EPHA4: variants seen among roughly 807,000 people sequenced by gnomAD.
EPHA4 encodes ephrin type-A receptor 4.
A neutral mutation model predicts 108.3 loss-of-function variants in EPHA4; 19 were observed. The ratio of observed to expected loss-of-function variants is 0.18; its 90% CI spans 0.12 to 0.26. The LOEUF is 0.26. Among genes scored for constraint, EPHA4 ranks in the 10% least tolerant of loss-of-function variants. The probability of loss-of-function intolerance (pLI) is 1.00; values close to 1 mark genes in which losing one functional copy is unlikely to be tolerated. For missense variants in EPHA4, 917 were observed against 1,254.0 expected (o/e 0.73, Z 4.06); for synonymous variants, 449 against 455.5 (o/e 0.99, Z 0.18).
chr2:221,540,470 C>T (rs533064391), intron 3 of EPHA4, among the ~76,000 whole-genome samples: 13 of 152,312 alleles, frequency 8.5e-5, no homozygotes, highest in African/African-American at 3.1e-4. Context: ...TTGATCAACT[C>T]ATTTTTTCCC....
At chr2:221,466,021 G>C (rs1691301276) in intron 5 of EPHA4, among the ~76,000 whole-genome samples, 1 of 152,160 alleles carries the variant, frequency 6.6e-6, no homozygotes, top group African/African-American at 2.4e-5. Flanking sequence ...GGTCATGCAC[G>C]ATGAGCAGAT....
At chr2:221,457,399 C>T (rs1327304040) in intron 6 of EPHA4, among the ~76,000 whole-genome samples, 1 of 152,090 alleles carries the variant, frequency 6.6e-6, no homozygotes, top group Non-Finnish European at 1.5e-5. Flanking sequence ...TATTAAAAGT[C>T]ATCAAAACCC....
rs1694529508 is a variant in EPHA4, at chr2:221,563,547, T to TTC, written c.823+183_823+184insGA. 3.3e-5 allele frequency among the ~76,000 whole-genome samples: 5 copies of TTC among 152,340 alleles called. No individual in the cohort carries two copies. The South Asian group carries it at 6.2e-4, about 19-fold the overall frequency. On this transcript the variant is annotated intron_variant, in intron 3 of 17. Coordinates refer to ENST00000281821, the MANE Select transcript of EPHA4 (RefSeq NM_004438.5). The stretch of plus-strand genomic sequence containing the variant: ...GCTGATTACAGCAGCATCATTTATT[T>TTC]TGTCAGTATTAGAAACGTCTTAGCT...
chr2:221,438,405 C>T (rs72957057), intron 11 of EPHA4, among the ~76,000 whole-genome samples: 35,739 of 151,126 alleles, frequency 0.24, 4,274 homozygotes, highest in African/African-American at 0.26. Context: ...TTTTTTTTTG[C>T]TTTGTTTTGT....
At chr2:221,454,862 T>C (rs944255500) in intron 8 of EPHA4, among the ~76,000 whole-genome samples, 1 of 152,316 alleles carries the variant, frequency 6.6e-6, no homozygotes, top group Non-Finnish European at 1.5e-5. Flanking sequence ...AGGGCTCAGA[T>C]GTTTCAGGTT....
chr2:221,555,083 C>T (rs1270753633), intron 3 of EPHA4, among the ~76,000 whole-genome samples: 1 of 152,046 alleles, frequency 6.6e-6, no homozygotes, highest in Non-Finnish European at 1.5e-5. Flanking sequence ...GTTCCTTTTC[C>T]AAAGGTCAAA....
In EPHA4 at chr2:221,430,115, G is replaced by C. The variant is rs752075336; in HGVS notation, c.2533C>G (p.Pro845Ala). 11 of 1,611,270 alleles carry C rather than the reference G, an allele frequency of 6.8e-6. No homozygotes were observed. Among genetic ancestry groups the C allele is most frequent in the South Asian group, 2.2e-5 (2 of 90,470 alleles). ...AGCGCAATGGGGCAGTCCATTGGAG[G>C]GGGTAACCGATAGCCTTCCTCAATG... ...KAIEEGYRLP[P>A]PMDCPIALHQ... is the part of the protein sequence containing the mutation. Residue 845 changes from proline (P) to alanine (A), a missense_variant, in exon 15 of 18, where the codon CCT becomes GCT. Physicochemically the swap from Pro to Ala is conservative, Grantham distance 27 (BLOSUM62 -1). Coordinates refer to ENST00000281821, the MANE Select transcript of EPHA4 (RefSeq NM_004438.5).
intron 17 of EPHA4, among the ~76,000 whole-genome samples, chr2:221,421,634 A>G (rs1453369516): frequency 6.6e-6 from 1 of 152,182 alleles, no homozygotes; most frequent in Non-Finnish European, 1.5e-5. Context: ...TTGTCCATAT[A>G]TTTGTCACAT....
At chr2:221,543,008 C>A (rs1279306949) in intron 3 of EPHA4, among the ~76,000 whole-genome samples, 1 of 152,098 alleles carries the variant, frequency 6.6e-6, no homozygotes, top group Non-Finnish European at 1.5e-5. Context: ...ATATAATGAT[C>A]CTATATGTAT....
intron 4 of EPHA4, among the ~76,000 whole-genome samples, chr2:221,491,957 G>C (rs2106149758): frequency 6.6e-6 from 1 of 152,128 alleles, no homozygotes; most frequent in Middle Eastern, 3.4e-3. Flanking sequence ...GGAAGTTGCA[G>C]TGAGCTGAGA....
At chr2:221,516,122 C>T (rs941383353) in intron 3 of EPHA4, among the ~76,000 whole-genome samples, 4 of 152,076 alleles carry the variant, frequency 2.6e-5, no homozygotes, top group African/African-American at 7.2e-5. Context: ...ACCAGGAATC[C>T]GTTCCCTGCT....
intron 3 of EPHA4, among the ~76,000 whole-genome samples, chr2:221,516,781 C>T (rs1693002026): frequency 6.6e-6 from 1 of 151,676 alleles, no homozygotes; most frequent in Admixed American, 6.6e-5. Flanking sequence ...GGTGCAGACT[C>T]ATTTATGGAG....
chr2:221,548,354 G>A (rs1476781184), intron 3 of EPHA4, among the ~76,000 whole-genome samples: 1 of 150,890 alleles, frequency 6.6e-6, no homozygotes, highest in African/African-American at 2.4e-5. Context: ...CAGAGCGAGA[G>A]TCCGTCTCAA....
chr2:221,445,058 AAT>A (rs1690551218), intron 9 of EPHA4, among the ~76,000 whole-genome samples: 1 of 152,058 alleles, frequency 6.6e-6, no homozygotes, highest in African/African-American at 2.4e-5. Context: ...GTGCCCGGCC[AAT>A]CTTTCTTCTA....
chr2:221,461,889 G>A (rs917769501), intron 5 of EPHA4, among the ~76,000 whole-genome samples: 1 of 151,940 alleles, frequency 6.6e-6, no homozygotes, highest in African/African-American at 2.4e-5. Flanking sequence ...GTAAGTAGAG[G>A]GCACTTTCTC....
chr2:221,525,461 C>T (rs192784877), intron 3 of EPHA4, among the ~76,000 whole-genome samples: 47 of 152,196 alleles, frequency 3.1e-4, no homozygotes, highest in Admixed American at 2.6e-3. Context: ...CCATTAGTTC[C>T]GGCAGTGAGG....
At chr2:221,460,453 T>C (rs1691102363) in intron 5 of EPHA4, among the ~76,000 whole-genome samples, 1 of 152,178 alleles carries the variant, frequency 6.6e-6, no homozygotes, top group Admixed American at 6.5e-5. Context: ...CTAAATTCTT[T>C]ATTGATCAGA....
chr2:221,496,753 C>CA (rs1350168778), intron 4 of EPHA4, among the ~76,000 whole-genome samples: 22 of 152,068 alleles, frequency 1.4e-4, no homozygotes, highest in African/African-American at 5.1e-4. Context: ...ACTAAAAATA[C>CA]AAAAAATTAG....
intron 15 of EPHA4, among the ~76,000 whole-genome samples, chr2:221,427,086 A>G (rs1689934126): frequency 6.6e-6 from 1 of 152,228 alleles, no homozygotes; most frequent in Non-Finnish European, 1.5e-5. Flanking sequence ...GGAAGCAGAG[A>G]AAACAGCAAG....
Sources: allele counts gnomAD v4.1 joint callset (sites outside exome capture counted in the v4.1 genomes callset), GRCh38; gene constraint gnomAD v4.1.1; transcripts MANE v1.5; gene names NCBI Gene and HGNC (gene_info 2026-07-23, HGNC 2026-07-21).